The following GPC6 variants were observed in gnomAD, a reference collection of about 807,000 sequenced individuals.
GPC6 encodes glypican 6.
Under a neutral mutation model 55.2 loss-of-function variants are expected in GPC6, and 14 were observed. The observed-to-expected ratio is 0.25, with a 90% CI of 0.17 to 0.40. The LOEUF is 0.40. Ranked by LOEUF, GPC6 falls within the 10% of genes least tolerant of loss-of-function variation. The pLI is 1.00. For missense variants in GPC6, 641 were observed against 708.5 expected, an observed-to-expected ratio of 0.90 and a Z score of 1.08; for synonymous variants, 278 against 259.6, an observed-to-expected ratio of 1.07 and a Z score of -0.68.
intron 1 of GPC6, among the ~76,000 whole-genome samples, chr13:93,515,886 A>C (rs1881170449): frequency 6.6e-6 from 1 of 152,178 alleles, no homozygotes; most frequent in Admixed American, 6.6e-5. Flanking sequence ...AATTCTATAG[A>C]AATTTTGAGC....
chr13:94,251,945 A>G (rs1314918288), intron 4 of GPC6, among the ~76,000 whole-genome samples: 1 of 152,098 alleles, frequency 6.6e-6, no homozygotes, highest in African/African-American at 2.4e-5. Context: ...TGAAACATTA[A>G]TCTCAAGGAC....
intron 4 of GPC6, among the ~76,000 whole-genome samples, chr13:94,271,932 C>T (rs995751640): frequency 4.6e-5 from 7 of 152,306 alleles, no homozygotes; most frequent in African/African-American, 1.7e-4. Flanking sequence ...TCATTCACTT[C>T]CTAAAATGAG....
chr13:94,402,150 G>A (rs1278781737), intron 8 of GPC6, among the ~76,000 whole-genome samples: 1 of 152,148 alleles, frequency 6.6e-6, no homozygotes, highest in African/African-American at 2.4e-5. Context: ...GGGAAAAGGT[G>A]GACAAAAGTC....
intron 4 of GPC6, among the ~76,000 whole-genome samples, chr13:94,133,288 A>AAAAAAAAAAAAC (rs1566447239): frequency 7.8e-6 from 1 of 127,444 alleles, no homozygotes; most frequent in African/African-American, 2.9e-5. Context: ...AAAAAAAAAA[A>AAAAAAAAAAAAC]AAAACCTTAA....
At chr13:93,333,406 T>C (rs1227171586) in intron 1 of GPC6, among the ~76,000 whole-genome samples, 1 of 152,208 alleles carries the variant, frequency 6.6e-6, no homozygotes, top group Non-Finnish European at 1.5e-5. Flanking sequence ...TCATTGTAGA[T>C]GTTTCATCTC....
chr13:93,855,376 T>C (rs1194502139), intron 3 of GPC6, among the ~76,000 whole-genome samples: 1 of 151,638 alleles, frequency 6.6e-6, no homozygotes, highest in Non-Finnish European at 1.5e-5. Flanking sequence ...CCTTTTAAGA[T>C]TCAATAATAT....
At chr13:94,201,894 A>G (rs551536063) in intron 4 of GPC6, among the ~76,000 whole-genome samples, 1 of 152,308 alleles carries the variant, frequency 6.6e-6, no homozygotes, top group East Asian at 1.9e-4. Context: ...GGTTGCAGTG[A>G]GCCGAGATTG....
chr13:93,303,602 C>T lies in GPC6; in HGVS notation c.160+75986C>T, dbSNP rs376268393. On this transcript the variant is annotated intron_variant, in intron 1 of 8. Coordinates refer to ENST00000377047, the MANE Select transcript of GPC6 (RefSeq NM_005708.5). Reference sequence around the variant, plus strand: ...CAAGTTTTCAATGAATCAGAGGAAGCTTGAGGTTAGTAGATGATACAACAG... The same window carrying T: ...CAAGTTTTCAATGAATCAGAGGAAGTTTGAGGTTAGTAGATGATACAACAG... 1.3e-4 allele frequency among the ~76,000 whole-genome samples: 20 copies of T among 152,130 alleles called. No homozygotes were observed. In the East Asian group the frequency reaches 1.7e-3, roughly 13 times the overall value.
intron 3 of GPC6, among the ~76,000 whole-genome samples, chr13:93,895,136 A>G (rs1439858878): frequency 6.7e-6 from 1 of 149,494 alleles, no homozygotes; most frequent in Non-Finnish European, 1.5e-5. Flanking sequence ...ATATGTCTAT[A>G]TATATATTTT....
intron 4 of GPC6, among the ~76,000 whole-genome samples, chr13:94,146,943 C>T (rs1240112360): frequency 6.6e-6 from 1 of 152,078 alleles, no homozygotes; most frequent in Admixed American, 6.6e-5. Context: ...CAATAAAATA[C>T]TGCAAGGGAA....
intron 1 of GPC6, among the ~76,000 whole-genome samples, chr13:93,413,919 T>C (rs1035919689): frequency 1.6e-4 from 25 of 152,224 alleles, no homozygotes; most frequent in Non-Finnish European, 1.5e-4. Flanking sequence ...CAAGTTAGTT[T>C]AGGTTTCATT....
chr13:93,333,325 C>T (rs2139139524), intron 1 of GPC6, among the ~76,000 whole-genome samples: 1 of 152,196 alleles, frequency 6.6e-6, no homozygotes, highest in South Asian at 2.1e-4. Context: ...TTTCTCCATT[C>T]CATGAACACA....
chr13:93,589,544 C>G (rs959646766), intron 2 of GPC6, among the ~76,000 whole-genome samples: 1 of 152,108 alleles, frequency 6.6e-6, no homozygotes, highest in East Asian at 1.9e-4. Context: ...AATGAAGCAG[C>G]GCATTTCTGG....
chr13:94,091,734 A>T (rs1283009803), intron 4 of GPC6, among the ~76,000 whole-genome samples: 1 of 152,070 alleles, frequency 6.6e-6, no homozygotes, highest in East Asian at 1.9e-4. Flanking sequence ...AATATGAAAG[A>T]TGATGATGAC....
chr13:93,984,549 A>G (rs759903517), intron 3 of GPC6, among the ~76,000 whole-genome samples: 1 of 152,190 alleles, frequency 6.6e-6, no homozygotes, highest in Non-Finnish European at 1.5e-5. Context: ...ATTCAAATGT[A>G]TCATAGGACT....
chr13:93,631,096 T>C (rs1268269211), intron 2 of GPC6, among the ~76,000 whole-genome samples: 1 of 152,024 alleles, frequency 6.6e-6, no homozygotes, highest in East Asian at 1.9e-4. Flanking sequence ...TCCTTGCACA[T>C]GGTCATGAAA....
intron 6 of GPC6, among the ~76,000 whole-genome samples, chr13:94,313,569 C>T (rs1472593325): frequency 6.6e-6 from 1 of 152,158 alleles, no homozygotes; most frequent in Non-Finnish European, 1.5e-5. Flanking sequence ...CTACGTAACT[C>T]CCTGGGAGAT....
intron 6 of GPC6, 116 bp downstream of exon 6, chr13:94,306,239 C>G (rs773099322): frequency 6.1e-6 from 6 of 981,522 alleles, no homozygotes; most frequent in South Asian, 5.3e-5. Context: ...ATGCTTATAT[C>G]TGCCTCTGTT....
intron 4 of GPC6, among the ~76,000 whole-genome samples, chr13:94,071,414 A>G (rs920579144): frequency 5.3e-5 from 8 of 152,202 alleles, no homozygotes; most frequent in African/African-American, 1.7e-4. Context: ...TAAATTATTG[A>G]AAATCTATCT....
Sources: allele counts gnomAD v4.1 joint callset (sites outside exome capture counted in the v4.1 genomes callset), GRCh38; gene constraint gnomAD v4.1.1; transcripts MANE v1.5; gene names NCBI Gene and HGNC (gene_info 2026-07-23, HGNC 2026-07-21).